PRSS12: variants seen among roughly 807,000 people sequenced by gnomAD.
PRSS12 encodes neurotrypsin.
A neutral mutation model predicts 104.4 loss-of-function variants in PRSS12; 85 were observed. The ratio of observed to expected loss-of-function variants is 0.81; its 90% confidence interval spans 0.68 to 0.98. The LOEUF (loss-of-function observed/expected upper bound fraction) is 0.98. Among genes scored for constraint, PRSS12 ranks in the 50% least tolerant of loss-of-function variants. The pLI is 0.00. For missense variants in PRSS12, 1,141 were observed against 1,139.2 expected (o/e 1.00, Z -0.02); for synonymous variants, 454 against 425.2 (o/e 1.07, Z -0.83).
At chr4:118,306,766 C>G (rs1342326484) in intron 8 of PRSS12, among the ~76,000 whole-genome samples, 3 of 151,954 alleles carry the variant, frequency 2.0e-5, no homozygotes, top group African/African-American at 7.3e-5. Flanking sequence ...AAGTAATGAA[C>G]AATTTAGAAA....
At chr4:118,316,848 A>G (rs1314949075) in intron 5 of PRSS12, among the ~76,000 whole-genome samples, 1 of 145,378 alleles carries the variant, frequency 6.9e-6, no homozygotes, top group African/African-American at 2.5e-5. Flanking sequence ...ATATATATAT[A>G]TATATATATC....
chr4:118,308,662 T>C, intron 7 of PRSS12, 85 bp from the exon 8 acceptor site: 1 of 1,528,752 alleles, frequency 6.5e-7, no homozygotes, highest in East Asian at 2.3e-5. Flanking sequence ...ACACAATTGT[T>C]CTTTTTAATC....
At chr4:118,316,365 T>A (rs1743911827) in intron 5 of PRSS12, 42 bp from the exon 6 acceptor site, 3 of 1,612,364 alleles carry the variant, frequency 1.9e-6, no homozygotes, top group African/African-American at 1.3e-5. Context: ...AAATCAACTT[T>A]CAAAAAAAGG....
At chr4:118,323,613 G>C (rs949506371) in intron 4 of PRSS12, among the ~76,000 whole-genome samples, 1 of 151,760 alleles carries the variant, frequency 6.6e-6, no homozygotes, top group Admixed American at 6.6e-5. Flanking sequence ...GGATGTAAGA[G>C]AGAATTCCTA....
At chr4:118,344,706 C>T (rs1358556454) in intron 1 of PRSS12, among the ~76,000 whole-genome samples, 1 of 151,934 alleles carries the variant, frequency 6.6e-6, no homozygotes, top group African/African-American at 2.4e-5. Flanking sequence ...GAGTGCATCC[C>T]CTAAGTTAGC....
At chr4:118,339,249 C>A (rs1724138492) in intron 1 of PRSS12, among the ~76,000 whole-genome samples, 1 of 152,124 alleles carries the variant, frequency 6.6e-6, no homozygotes, top group Admixed American at 6.6e-5. Flanking sequence ...TTAAGAATTG[C>A]ATAAAATTCT....
At chr4:118,348,422 T>A (rs1333911103) in intron 1 of PRSS12, among the ~76,000 whole-genome samples, 1 of 152,220 alleles carries the variant, frequency 6.6e-6, no homozygotes, top group African/African-American at 2.4e-5. Context: ...AGGTGGGTTC[T>A]AATGCCCTTC....
chr4:118,333,175 CT>C (rs1177965232), intron 3 of PRSS12, among the ~76,000 whole-genome samples: 1 of 152,154 alleles, frequency 6.6e-6, no homozygotes, highest in Non-Finnish European at 1.5e-5. Context: ...CTGAATGTGT[CT>C]GGCAAAGAGT....
intron 1 of PRSS12, among the ~76,000 whole-genome samples, chr4:118,344,525 G>A (rs1331436812): frequency 6.6e-6 from 1 of 152,082 alleles, no homozygotes; most frequent in African/African-American, 2.4e-5. Context: ...AGGTCAAAAT[G>A]AATCAAATCA....
At chr4:118,339,014 C>A (rs1724131672) in intron 1 of PRSS12, among the ~76,000 whole-genome samples, 1 of 152,130 alleles carries the variant, frequency 6.6e-6, no homozygotes, top group Non-Finnish European at 1.5e-5. Context: ...ATATACCACA[C>A]CCAAAGAGCT....
Position 118,299,755 on chromosome 4 carries a change from TAAATAAAATTAAATAAAATAAAATA to T in PRSS12, c.1632-842_1632-818del, listed in dbSNP as rs1743351430. Among the ~76,000 whole-genome samples, 26 of 81,308 alleles carry T rather than the reference TAAATAAAATTAAATAAAATAAAATA, an allele frequency of 3.2e-4. 1 individual carries two copies. The highest frequency in any genetic ancestry group is 7.1e-4 in the Admixed American group (5 of 7,090). The allele number at this position is 81,308 out of a possible 152,430, so 53.3% of individuals were successfully genotyped here. A position where few individuals can be genotyped will look rare whatever the true frequency, so the allele number is the denominator to read the frequency against. On this transcript the variant is annotated intron_variant, in intron 8 of 12. Coordinates refer to ENST00000296498, the MANE Select transcript of PRSS12 (RefSeq NM_003619.4). The stretch of plus-strand genomic sequence containing the variant: ...ATAAAATAAAATAAAATAAATAAAA[TAAATAAAATTAAATAAAATAAAATA>T]AAATAAAATAAAATAAATAAAATAA...
intron 6 of PRSS12, among the ~76,000 whole-genome samples, chr4:118,314,431 C>T (rs985484372): frequency 6.6e-6 from 1 of 152,012 alleles, no homozygotes; most frequent in Non-Finnish European, 1.5e-5. Flanking sequence ...CTAATCAACC[C>T]TTGGCTAGAA....
intron 7 of PRSS12, among the ~76,000 whole-genome samples, chr4:118,312,782 G>C (rs1430836881): frequency 3.9e-5 from 6 of 152,040 alleles, no homozygotes; most frequent in African/African-American, 1.2e-4. Flanking sequence ...TTCAGGACTA[G>C]AGAAGAAATG....
intron 8 of PRSS12, among the ~76,000 whole-genome samples, chr4:118,307,309 C>T (rs1743581922): frequency 6.6e-6 from 1 of 152,044 alleles, no homozygotes; most frequent in Admixed American, 6.6e-5. Context: ...CCAGAAACAA[C>T]TTTGATTTTG....
At position 118,308,439 on chromosome 4, in the gene PRSS12, T is replaced by A; in HGVS notation, c.1628A>T (p.Tyr543Phe). ...CAAATAATTAGGTTTTCCTTACTTGTAGCCAAGCTGACGACAGATCACAGC... is the reference window on the plus strand; with the variant it reads ...CAAATAATTAGGTTTTCCTTACTTGAAGCCAAGCTGACGACAGATCACAGC... Reference protein sequence around the residue: ...DAAVICRQLGYKGPARARTMA... With the variant: ...DAAVICRQLGFKGPARARTMA... Residue 543 changes from tyrosine to phenylalanine, a missense_variant, in exon 8 of 13, where the codon TAC becomes TTC. By Grantham distance (22) the Tyr-to-Phe change is conservative. Transcript: ENST00000296498. The A allele has an allele frequency of 6.2e-7, 1 of 1,614,062 alleles. No homozygotes were observed. The highest frequency in any genetic ancestry group is 8.5e-7 in the Non-Finnish European group (1 of 1,179,946).
rs765663904 is a variant in PRSS12, at chr4:118,313,278, C to T, written c.1412G>A (p.Gly471Glu). 1.2e-6 allele frequency: 2 copies of T among 1,614,104 alleles called. No individual in the cohort carries two copies. Among genetic ancestry groups the T allele is most frequent in the Admixed American group, 1.7e-5 (1 of 60,008 alleles). Residue 471 changes from glycine to glutamate, a missense_variant, in exon 7 of 13, where the codon GGA (glycine) becomes GAA (glutamate). By Grantham distance (98) the Gly-to-Glu change is moderately conservative. Transcript: ENST00000296498. ...RFLQCSRRQW[G>E]RHDCSHREDV... ...TTCGCGGTGGCTGCAGTCATGCCTT[C>T]CCCACTGTCGCCTGGAACACTGAAG...
chr4:118,340,864 T>A (rs1018153580), intron 1 of PRSS12, among the ~76,000 whole-genome samples: 2 of 152,238 alleles, frequency 1.3e-5, no homozygotes. Context: ...ATGGGTAGGA[T>A]CTAATCTCAA....
chr4:118,325,325 A>G (rs1333756724), intron 4 of PRSS12, among the ~76,000 whole-genome samples: 3 of 142,350 alleles, frequency 2.1e-5, no homozygotes, highest in Non-Finnish European at 4.6e-5. Flanking sequence ...CTGAAAATTA[A>G]AAAAAAAAAA....
intron 1 of PRSS12, among the ~76,000 whole-genome samples, chr4:118,344,658 T>C (rs1482985508): frequency 6.6e-6 from 1 of 152,134 alleles, no homozygotes; most frequent in Admixed American, 6.5e-5. Context: ...ACAACTTAAA[T>C]GCTGAGAAAA....
Sources: allele counts gnomAD v4.1 joint callset (sites outside exome capture counted in the v4.1 genomes callset), GRCh38; gene constraint gnomAD v4.1.1; transcripts MANE v1.5; gene names NCBI Gene and HGNC (gene_info 2026-07-23, HGNC 2026-07-21).